HOXC8: variants seen among roughly 807,000 people sequenced by gnomAD.
HOXC8 encodes homeobox C8, also known as homeobox protein Hox-C8.
HOXC8 carries 14 observed loss-of-function variants against 25.8 expected under a neutral mutation model. That is an observed-to-expected ratio of 0.54 (90% confidence interval 0.36 to 0.85). The LOEUF is 0.85. Ranked by LOEUF, HOXC8 falls within the 40% of genes least tolerant of loss-of-function variation. The probability of loss-of-function intolerance (pLI) is 0.01; values close to 1 mark genes in which losing one functional copy is unlikely to be tolerated. For synonymous variants in HOXC8, 144 were observed against 124.6 expected (o/e 1.16, Z -1.04); for missense variants, 316 against 308.8 (o/e 1.02, Z -0.17).
chr12:54,011,220 G>A lies in HOXC8; in HGVS notation c.568G>A (p.Glu190Lys), dbSNP rs763362939. 3.7e-6 allele frequency: 6 copies of A among 1,613,664 alleles called. No individual in the cohort carries two copies. The highest frequency in any genetic ancestry group is 2.7e-5 in the African/African-American group (2 of 74,840). ...AGTCTCTCATGCCCTGGGACTGACC[G>A]AGAGACAAGTGAAGATCTGGTTCCA... ...IEVSHALGLT[E>K]RQVKIWFQNR... Residue 190 changes from glutamate (E) to lysine (K), a missense_variant, in exon 2 of 2, where the codon GAG (glutamate) becomes AAG (lysine). Coordinates refer to ENST00000040584, the MANE Select transcript of HOXC8 (RefSeq NM_022658.4).
At position 54,010,974 on chromosome 12, in the gene HOXC8, A is replaced by G. The variant is rs557440991; in HGVS notation, c.437-115A>G. 20 of 682,834 alleles carry G rather than the reference A, an allele frequency of 2.9e-5. No individual in the cohort carries two copies. The East Asian group carries it at 5.5e-4, about 19-fold the overall frequency. 42.3% of individuals were successfully genotyped at this position (682,834 alleles called of 1,614,324 possible). On this transcript the variant is annotated intron_variant, in intron 1 of 1. Coordinates refer to ENST00000040584, the MANE Select transcript of HOXC8 (RefSeq NM_022658.4). ...TCTGCCTTCTGCTCTAGCCTTTTCC[A>G]TAGAGGGGAGGCGAACTGAGGAGAT... is the stretch of plus-strand genomic sequence containing the variant.
chr12:54,009,885 C>G lies in HOXC8; in HGVS notation c.436+165C>G, dbSNP rs1939946508. On this transcript the variant is annotated intron_variant, in intron 1 of 1. Coordinates refer to ENST00000040584, the MANE Select transcript of HOXC8 (RefSeq NM_022658.4). This position sits in a 1 kb window ranked among gnomAD's most constrained non-coding sequence, Gnocchi z 5.0. ...TGGTTTTCTCGAAGTTGGGAAGGCTCCGCTGGGGCGGGGCAGGGAGGGGGT... is the reference window on the plus strand; with the variant it reads ...TGGTTTTCTCGAAGTTGGGAAGGCTGCGCTGGGGCGGGGCAGGGAGGGGGT... Among the ~76,000 whole-genome samples the G allele has an allele frequency of 6.6e-6, 1 of 152,142 alleles. No individual in the cohort carries two copies. The highest frequency in any genetic ancestry group is 6.5e-5 in the Admixed American group (1 of 15,282).
chr12:54,010,134 G>A (rs1404502735), intron 1 of HOXC8, among the ~76,000 whole-genome samples: 1 of 152,196 alleles, frequency 6.6e-6, no homozygotes, highest in Non-Finnish European at 1.5e-5. Flanking sequence ...CAGGGAGCCT[G>A]GAGTCCAGGA....
rs776252828 is a variant in HOXC8, at chr12:54,011,615, C to T, written c.*234C>T. 12 of 384,302 alleles carry T rather than the reference C, an allele frequency of 3.1e-5. No individual in the cohort carries two copies. The highest frequency in any genetic ancestry group is 9.7e-5 in the East Asian group (2 of 20,612). The allele number at this position is 384,302 out of a possible 1,614,324, so 23.8% of individuals were successfully genotyped here. A position where few individuals can be genotyped will look rare whatever the true frequency, so the allele number is the denominator to read the frequency against. Reference sequence around the variant, plus strand: ...GGAGACGGAGAAACAGTGAAAAGTTCGGACTCTCTGTCTCACTCCTTGCCC... The same window carrying T: ...GGAGACGGAGAAACAGTGAAAAGTTTGGACTCTCTGTCTCACTCCTTGCCC... On this transcript the variant is annotated 3_prime_UTR_variant, in exon 2 of 2. Transcript: ENST00000040584.
rs1940012350 is a variant in HOXC8, at chr12:54,012,288, GA to G, written c.*912del. 1.0e-5 allele frequency: 1 copy of G among 95,590 alleles called. No homozygotes were observed. The highest frequency in any genetic ancestry group is 3.1e-4 in the South Asian group (1 of 3,176). 5.9% of individuals were successfully genotyped at this position (95,590 alleles called of 1,614,324 possible). A position where few individuals can be genotyped will look rare whatever the true frequency, so the allele number is the denominator to read the frequency against. Reference sequence around the variant, plus strand: ...GCAATAATCTTGAAAAAGAAAAAGAGAAAAATTTTAAAATCCTGCTATAGGA... The same window carrying G: ...GCAATAATCTTGAAAAAGAAAAAGAGAAAATTTTAAAATCCTGCTATAGGA... On this transcript the variant is annotated 3_prime_UTR_variant, in exon 2 of 2. Coordinates refer to ENST00000040584, the MANE Select transcript of HOXC8 (RefSeq NM_022658.4).
At chr12:54,010,972 C>A in intron 1 of HOXC8, 117 bp from the exon 2 acceptor site, 2 of 507,558 alleles carry the variant, frequency 3.9e-6, no homozygotes, top group Non-Finnish European at 6.8e-6. Context: ...CTAGCCTTTT[C>A]CATAGAGGGG....
chr12:54,011,719 C>G lies in HOXC8; in HGVS notation c.*338C>G, dbSNP rs911553038. On this transcript the variant is annotated 3_prime_UTR_variant, in exon 2 of 2. Transcript: ENST00000040584. ...TCTGAGACCTGGCCTCCGTGCTCCT[C>G]GGTCTGTCTCTCACCACACTCCCAC... The G allele has an allele frequency of 1.0e-4, 17 of 166,640 alleles. 1 individual carries two copies. In the South Asian group the frequency reaches 1.5e-3, roughly 15 times the overall value. The allele number at this position is 166,640 out of a possible 1,614,324, so 10.3% of individuals were successfully genotyped here.
rs1159806240 is a variant in HOXC8, at chr12:54,011,206, C to T, written c.554C>T (p.Ala185Val). 19 of 1,613,694 alleles carry T rather than the reference C, an allele frequency of 1.2e-5. No homozygotes were observed. The highest frequency in any genetic ancestry group is 1.5e-5 in the Non-Finnish European group (18 of 1,179,898). The change falls in exon 2 of 2, where the codon GCC becomes GTC. Residue 185 changes from alanine to valine, a missense_variant. Coordinates refer to ENST00000040584, the MANE Select transcript of HOXC8 (RefSeq NM_022658.4). ...TRKRRIEVSH[A>V]LGLTERQVKI... ...AAACGTCGGATTGAAGTCTCTCATG[C>T]CCTGGGACTGACCGAGAGACAAGTG... is the stretch of plus-strand genomic sequence containing the variant.
At chr12:54,010,667 A>T (rs1228672921) in intron 1 of HOXC8, among the ~76,000 whole-genome samples, 1 of 152,232 alleles carries the variant, frequency 6.6e-6, no homozygotes, top group Admixed American at 6.5e-5. Context: ...AGAGAGAGAC[A>T]AGGAGAGGGC....
rs141562586 is a variant in HOXC8 at position 54,010,628 on chromosome 12, T to G, written c.437-461T>G. Reference sequence around the variant, plus strand: ...GCGGTGACACATTCCAGCAGATCAATTATTTTTCTTATTGGAAAAGCATTA... The same window carrying G: ...GCGGTGACACATTCCAGCAGATCAAGTATTTTTCTTATTGGAAAAGCATTA... On this transcript the variant is annotated intron_variant, in intron 1 of 1. Transcript: ENST00000040584. Among the ~76,000 whole-genome samples, 402 of 152,360 alleles carry G rather than the reference T, an allele frequency of 2.6e-3. 1 individual carries two copies. The highest frequency in any genetic ancestry group is 4.4e-3 in the Admixed American group (68 of 15,310).
Position 54,012,506 on chromosome 12 carries a change from G to GC in HOXC8, c.*1126dup. ...AGACTGCCTAGCCCGCCGGTCCTGTGCGCTTTTATTGTGCTTCTAACCCCA... is the reference window on the plus strand; with the variant it reads ...AGACTGCCTAGCCCGCCGGTCCTGTGCCGCTTTTATTGTGCTTCTAACCCCA... On this transcript the variant is annotated 3_prime_UTR_variant, in exon 2 of 2. Transcript: ENST00000040584. 1 of 152,582 alleles carries GC rather than the reference G, an allele frequency of 6.6e-6. No individual in the cohort carries two copies. 9.5% of individuals were successfully genotyped at this position (152,582 alleles called of 1,614,324 possible).
chr12:54,009,108 C>G lies in HOXC8; in HGVS notation c.-177C>G. 2.2e-6 allele frequency: 1 copy of G among 453,858 alleles called. No homozygotes were observed. The highest frequency in any genetic ancestry group is 3.9e-6 in the Non-Finnish European group (1 of 257,970). The allele number at this position is 453,858 out of a possible 1,614,324, so 28.1% of individuals were successfully genotyped here. On this transcript the variant is annotated 5_prime_UTR_variant, in exon 1 of 2. Transcript: ENST00000040584. This position sits in a 1 kb window ranked among gnomAD's most constrained non-coding sequence, Gnocchi z 5.0. The stretch of plus-strand genomic sequence containing the variant: ...GCCCCGGGAGCTCTGCTGATCCGGC[C>G]GAGCTCAGCACCGAGGCGCCCCCCA...
In HOXC8 at chr12:54,009,200, C is replaced by A; in HGVS notation, c.-85C>A. On this transcript the variant is annotated 5_prime_UTR_variant, in exon 1 of 2. Coordinates refer to ENST00000040584, the MANE Select transcript of HOXC8 (RefSeq NM_022658.4). This position sits in a 1 kb window ranked among gnomAD's most constrained non-coding sequence, Gnocchi z 5.0. ...GGAGCCAGCTGGCCTGGGGTTCGGT[C>A]CCGGGGGGAGGGGAGTTTCGGGGGT... 8.1e-7 allele frequency: 1 copy of A among 1,228,542 alleles called. No homozygotes were observed. Among genetic ancestry groups the A allele is most frequent in the Non-Finnish European group, 1.1e-6 (1 of 870,922 alleles). 76.1% of individuals were successfully genotyped at this position (1,228,542 alleles called of 1,614,324 possible). A position where few individuals can be genotyped will look rare whatever the true frequency, so the allele number is the denominator to read the frequency against.
At chr12:54,010,995 G>A in intron 1 of HOXC8, 94 bp from the exon 2 acceptor site, 1 of 850,866 alleles carries the variant, frequency 1.2e-6, no homozygotes, top group Non-Finnish European at 1.9e-6. Context: ...GCGAACTGAG[G>A]AGATCAGAGA....
chr12:54,010,296 C>T (rs572521146), intron 1 of HOXC8, among the ~76,000 whole-genome samples: 1 of 152,246 alleles, frequency 6.6e-6, no homozygotes, highest in South Asian at 2.1e-4. Context: ...ACTACCCCAA[C>T]TTTTTTATAC....
Position 54,009,478 on chromosome 12 carries a change from C to T in HOXC8, c.194C>T (p.Ser65Phe). The T allele has an allele frequency of 6.2e-7, 1 of 1,614,204 alleles. No homozygotes were observed. The highest frequency in any genetic ancestry group is 1.1e-5 in the South Asian group (1 of 91,086). Residue 65 changes from serine to phenylalanine, a missense_variant, in exon 1 of 2, where the codon TCC (serine) becomes TTC (phenylalanine). Ser to Phe is a radical substitution (Grantham distance 155). Coordinates refer to ENST00000040584, the MANE Select transcript of HOXC8 (RefSeq NM_022658.4). The surrounding 1 kb of genome is among the most constrained non-coding windows in gnomAD (Gnocchi z 5.0). ...CAAGACTTCTTCCACCACGGCACCTCCGGCATCTCCAACTCAGGCTACCAG... is the reference window on the plus strand; with the variant it reads ...CAAGACTTCTTCCACCACGGCACCTTCGGCATCTCCAACTCAGGCTACCAG... The part of the protein sequence containing the change: ...HVQDFFHHGT[S>F]GISNSGYQQN...
In HOXC8 at chr12:54,011,073, G is replaced by T. The variant is rs765539830; in HGVS notation, c.437-16G>T. ...CCCATCCAAACGTAACCAGACTGGG[G>T]TTTTCTTCTGTCCAGCTCCGGGGAG... On this transcript the variant is annotated splice_polypyrimidine_tract_variant and intron_variant, in intron 1 of 1. Transcript: ENST00000040584. 32 of 1,600,580 alleles carry T rather than the reference G, an allele frequency of 2.0e-5. No individual in the cohort carries two copies. Among genetic ancestry groups the T allele is most frequent in the African/African-American group, 4.0e-5 (3 of 74,574 alleles).
Position 54,011,279 on chromosome 12 carries a change from C to T in HOXC8, c.627C>T (p.Asn209=), listed in dbSNP as rs35198366. ...NRRMKWKKEN[N]KDKLPGARDE... Reference sequence around the variant, plus strand: ...GGATGAAGTGGAAAAAGGAGAACAACAAGGATAAACTGCCGGGAGCCCGAG... The same window carrying T: ...GGATGAAGTGGAAAAAGGAGAACAATAAGGATAAACTGCCGGGAGCCCGAG... The change falls in exon 2 of 2, where the codon AAC becomes AAT. Residue 209 remains asparagine (N), a synonymous_variant. Transcript: ENST00000040584. The T allele has an allele frequency of 3.2e-6, 5 of 1,585,548 alleles. No homozygotes were observed. The highest frequency in any genetic ancestry group is 1.7e-4 in the Middle Eastern group (1 of 5,912).
Position 54,011,109 on chromosome 12 carries a change from C to T in HOXC8, c.457C>T (p.Arg153Trp), listed in dbSNP as rs770011060. ...RPHAPGRRSG[R>W]QTYSRYQTLE... ...TCCAGCTCCGGGGAGGCGCAGTGGA[C>T]GGCAAACTTACAGCCGGTATCAGAC... The change falls in exon 2 of 2, where the codon CGG becomes TGG. Residue 153 changes from arginine to tryptophan, a missense_variant. Coordinates refer to ENST00000040584, the MANE Select transcript of HOXC8 (RefSeq NM_022658.4). The T allele has an allele frequency of 7.4e-6, 12 of 1,613,766 alleles. No individual in the cohort carries two copies. Among genetic ancestry groups the T allele is most frequent in the East Asian group, 2.2e-5 (1 of 44,888 alleles).
Sources: allele counts gnomAD v4.1 joint callset (sites outside exome capture counted in the v4.1 genomes callset), GRCh38; gene constraint gnomAD v4.1.1; non-coding constraint Gnocchi (gnomAD v3.1); transcripts MANE v1.5; gene names NCBI Gene and HGNC (gene_info 2026-07-23, HGNC 2026-07-21).